Variants in MC2R observed in about 807,000 individuals in gnomAD.
MC2R encodes melanocortin 2 receptor, also known as adrenocorticotropic hormone receptor.
MC2R carries 9 observed loss-of-function variants against 9.8 expected under a neutral mutation model. The observed-to-expected ratio is 0.92, with a 90% confidence interval of 0.55 to 1.60. MC2R has a LOEUF of 1.60. MC2R is among the 40% of genes most tolerant of loss of function. MC2R has a pLI of 0.00. For missense variants in MC2R, 370 were observed against 389.0 expected (o/e 0.95, Z 0.41); for synonymous variants, 185 against 154.7 (o/e 1.20, Z -1.45).
rs545401448 is a variant in MC2R at position 13,884,214 on chromosome 18, C to T, written c.*411G>A. 33 of 276,348 alleles carry T rather than the reference C, an allele frequency of 1.2e-4. No homozygotes were observed. Among genetic ancestry groups the T allele is most frequent in the Non-Finnish European group, 1.9e-4 (27 of 142,656 alleles). The allele number at this position is 276,348 out of a possible 1,614,324, so 17.1% of individuals were successfully genotyped here. A position where few individuals can be genotyped will look rare whatever the true frequency, so the allele number is the denominator to read the frequency against. The stretch of plus-strand genomic sequence containing the variant: ...CAATGGCCTCCACCTGGAAAGGCCA[C>T]CTCAGAACTGGCTTGTTAGATGTCC... On this transcript the variant is annotated 3_prime_UTR_variant, in exon 2 of 2. Transcript: ENST00000327606.
chr18:13,894,699 C>A (rs977087966), intron 1 of MC2R, among the ~76,000 whole-genome samples: 1 of 152,190 alleles, frequency 6.6e-6, no homozygotes, highest in Non-Finnish European at 1.5e-5. Context: ...TTCTAGCATT[C>A]TCCTGTGTAG....
At chr18:13,889,851 A>G (rs1406511742) in intron 1 of MC2R, among the ~76,000 whole-genome samples, 1 of 152,030 alleles carries the variant, frequency 6.6e-6, no homozygotes, top group South Asian at 2.1e-4. Flanking sequence ...AGGGAGTCCT[A>G]TTCTCTCTGA....
intron 1 of MC2R, among the ~76,000 whole-genome samples, chr18:13,915,165 G>T (rs1312800248): frequency 2.0e-5 from 3 of 152,226 alleles, no homozygotes; most frequent in Middle Eastern, 3.4e-3. Context: ...AGCATGATTT[G>T]TTTCACCCCT....
At chr18:13,886,696 A>G (rs533204656) in intron 1 of MC2R, among the ~76,000 whole-genome samples, 1 of 152,056 alleles carries the variant, frequency 6.6e-6, no homozygotes, top group Admixed American at 6.6e-5. Flanking sequence ...ATTTCTGGAG[A>G]CTTCTTATTT....
At chr18:13,914,485 C>T (rs555053520) in intron 1 of MC2R, among the ~76,000 whole-genome samples, 18 of 152,294 alleles carry the variant, frequency 1.2e-4, no homozygotes, top group Non-Finnish European at 1.8e-4. Flanking sequence ...ACTCCCACTC[C>T]GGGGATGGGG....
chr18:13,884,036 G>GA lies in MC2R; in HGVS notation c.*588dup, dbSNP rs2045255494. 2 of 168,930 alleles carry GA rather than the reference G, an allele frequency of 1.2e-5. No individual in the cohort carries two copies. Among genetic ancestry groups the GA allele is most frequent in the African/African-American group, 4.8e-5 (2 of 41,646 alleles). The allele number at this position is 168,930 out of a possible 1,614,324, so 10.5% of individuals were successfully genotyped here. A position where few individuals can be genotyped will look rare whatever the true frequency, so the allele number is the denominator to read the frequency against. ...CATCAATACATCAGACTAACAGGGA[G>GA]AAAGAGGAGGGTGGAGATTCCACAT... On this transcript the variant is annotated 3_prime_UTR_variant, in exon 2 of 2. Coordinates refer to ENST00000327606, the MANE Select transcript of MC2R (RefSeq NM_000529.2).
intron 1 of MC2R, among the ~76,000 whole-genome samples, chr18:13,892,481 T>A (rs1175569127): frequency 1.3e-5 from 2 of 152,070 alleles, no homozygotes; most frequent in Non-Finnish European, 2.9e-5. Context: ...CAGGGTCTGG[T>A]GGTGGTTGGA....
At position 13,885,003 on chromosome 18, in the gene MC2R, C is replaced by T; in HGVS notation, c.516G>A (p.Val172=). Reference sequence around the variant, plus strand: ...GCGACGTGAAGGTGATCACTGTGGGCACATGATGGGAGAAGATCACCATGG... The same window carrying T: ...GCGACGTGAAGGTGATCACTGTGGGTACATGATGGGAGAAGATCACCATGG... ...GITMVIFSHH[V]PTVITFTSLF... Residue 172 remains valine, a synonymous_variant, in exon 2 of 2, where the codon GTG becomes GTA. Coordinates refer to ENST00000327606, the MANE Select transcript of MC2R (RefSeq NM_000529.2). 2 of 1,614,108 alleles carry T rather than the reference C, an allele frequency of 1.2e-6. No individual in the cohort carries two copies. The highest frequency in any genetic ancestry group is 1.6e-4 in the Middle Eastern group (1 of 6,062).
chr18:13,884,813 C>T lies in MC2R; in HGVS notation c.706G>A (p.Val236Met). Residue 236 changes from valine to methionine, a missense_variant, in exon 2 of 2, where the codon GTG becomes ATG. Transcript: ENST00000327606. ...AATGTCATCAAGAGGACATGAAGCA[C>T]AAAGGGGGCCCAGCAGAAGATGAAG... ...GVFIFCWAPF[V>M]LHVLLMTFCP... 1 of 1,613,948 alleles carries T rather than the reference C, an allele frequency of 6.2e-7. No individual in the cohort carries two copies. The highest frequency in any genetic ancestry group is 8.5e-7 in the Non-Finnish European group (1 of 1,180,006).
At chr18:13,886,735 C>T (rs567225297) in intron 1 of MC2R, among the ~76,000 whole-genome samples, 1 of 152,274 alleles carries the variant, frequency 6.6e-6, no homozygotes, top group Non-Finnish European at 1.5e-5. Flanking sequence ...AGGCGGACTG[C>T]GGCAGTGCAC....
At position 13,885,681 on chromosome 18, in the gene MC2R, G is replaced by C. The variant is rs528239521; in HGVS notation, c.-128-35C>G. 805 of 743,992 alleles carry C rather than the reference G, an allele frequency of 1.1e-3. 2 individuals carry two copies. Among genetic ancestry groups the C allele is most frequent in the South Asian group, 2.0e-3 (109 of 53,802 alleles). 46.1% of individuals were successfully genotyped at this position (743,992 alleles called of 1,614,324 possible). On this transcript the variant is annotated intron_variant, in intron 1 of 1. Coordinates refer to ENST00000327606, the MANE Select transcript of MC2R (RefSeq NM_000529.2). ...AGTATACAGAAATATTAGTTGCAAA[G>C]TACACTAGAAAATAAAAACCAGCCA...
At chr18:13,892,431 C>T (rs2045320700) in intron 1 of MC2R, among the ~76,000 whole-genome samples, 1 of 152,130 alleles carries the variant, frequency 6.6e-6, no homozygotes. Context: ...ACCCGTCCCT[C>T]CCCACCGGCA....
At chr18:13,890,757 A>G (rs992622196) in intron 1 of MC2R, among the ~76,000 whole-genome samples, 2 of 152,150 alleles carry the variant, frequency 1.3e-5, no homozygotes, top group Non-Finnish European at 2.9e-5. Flanking sequence ...CCCATGCTTT[A>G]TCCAACGGTC....
intron 1 of MC2R, among the ~76,000 whole-genome samples, chr18:13,894,740 A>T (rs923368933): frequency 1.3e-5 from 2 of 152,084 alleles, no homozygotes; most frequent in Non-Finnish European, 2.9e-5. Context: ...CAGGCCTCTT[A>T]TTGTCTCTAA....
intron 1 of MC2R, among the ~76,000 whole-genome samples, chr18:13,913,196 T>C (rs991718327): frequency 1.3e-5 from 2 of 151,468 alleles, no homozygotes; most frequent in Non-Finnish European, 2.9e-5. Context: ...AGTGTTCTGG[T>C]TGGAAATCAG....
intron 1 of MC2R, among the ~76,000 whole-genome samples, chr18:13,891,392 T>A: frequency 6.6e-6 from 1 of 152,250 alleles, no homozygotes; most frequent in East Asian, 1.9e-4. Context: ...TGCATAATCA[T>A]CTACGTATAT....
chr18:13,892,216 C>T (rs1343517070), intron 1 of MC2R, among the ~76,000 whole-genome samples: 1 of 152,182 alleles, frequency 6.6e-6, no homozygotes, highest in Non-Finnish European at 1.5e-5. Context: ...GTTGCATATT[C>T]CTCTGGTGGC....
Position 13,904,497 on chromosome 18 carries a change from G to A in MC2R, c.-129+10991C>T, listed in dbSNP as rs142961191. Among the ~76,000 whole-genome samples the A allele has an allele frequency of 1.2e-3, 185 of 151,682 alleles. 4 individuals are homozygous for A. In the Middle Eastern group the frequency reaches 0.017, roughly 14 times the overall value. The stretch of plus-strand genomic sequence containing the variant: ...CCTCTAAGATCTAGAACAAGACAAC[G>A]ATGCCCACTTTTACCACTTTCGTTC... On this transcript the variant is annotated intron_variant, in intron 1 of 1. Transcript: ENST00000327606.
chr18:13,899,603 T>A (rs2045366847), intron 1 of MC2R, among the ~76,000 whole-genome samples: 1 of 151,990 alleles, frequency 6.6e-6, no homozygotes, highest in Non-Finnish European at 1.5e-5. Context: ...AAAGAGAGGA[T>A]CCTAAAAGCA....
Sources: gnomAD v4.1 joint callset for allele counts (sites outside exome capture counted in the v4.1 genomes callset) on GRCh38, gnomAD v4.1.1 for gene constraint, MANE v1.5 for transcripts, NCBI Gene and HGNC (gene_info 2026-07-23, HGNC 2026-07-21) for gene names.